The following CLYBL variants were observed in gnomAD, a reference collection of about 807,000 sequenced individuals.
CLYBL encodes the protein citramalyl-CoA lyase, also known as citramalyl-CoA lyase, mitochondrial.
CLYBL carries 31 observed loss-of-function variants against 38.9 expected under a neutral mutation model. The observed-to-expected ratio is 0.80, with a 90% confidence interval of 0.60 to 1.08. The LOEUF is 1.08. CLYBL is among the 50% of genes least tolerant of loss of function. The pLI is 0.00. For missense variants in CLYBL, 434 were observed against 411.6 expected (o/e 1.05, Z -0.47); for synonymous variants, 171 against 158.6 (o/e 1.08, Z -0.59).
intron 1 of CLYBL, 148 bp downstream of exon 1, chr13:99,606,905 T>C (rs1026821562): frequency 8.0e-6 from 10 of 1,256,268 alleles, no homozygotes; most frequent in Non-Finnish European, 1.0e-5. Context: ...ACGCGCTGGC[T>C]CGACCTCGTC....
At chr13:99,802,235 T>C (rs1224339569) in intron 2 of CLYBL, among the ~76,000 whole-genome samples, 1 of 152,164 alleles carries the variant, frequency 6.6e-6, no homozygotes, top group East Asian at 1.9e-4. Flanking sequence ...CTGCCTTCTT[T>C]CTGTATCCTC....
intron 2 of CLYBL, among the ~76,000 whole-genome samples, chr13:99,797,308 G>T (rs532967210): frequency 6.6e-6 from 1 of 152,190 alleles, no homozygotes; most frequent in Non-Finnish European, 1.5e-5. Context: ...GTATATTTAA[G>T]ATTTAAGATC....
At chr13:99,613,983 A>G (rs557808728) in intron 1 of CLYBL, among the ~76,000 whole-genome samples, 1 of 152,278 alleles carries the variant, frequency 6.6e-6, no homozygotes, top group South Asian at 2.1e-4. Context: ...TGGGTTTAGC[A>G]TGGAATGCCT....
At chr13:99,835,195 C>T (rs1198646984) in intron 2 of CLYBL, among the ~76,000 whole-genome samples, 1 of 152,332 alleles carries the variant, frequency 6.6e-6, no homozygotes, top group African/African-American at 2.4e-5. Flanking sequence ...TTTGTGTCAG[C>T]GTGCAGGCTA....
chr13:99,860,308 C>T (rs1190107657), intron 3 of CLYBL, among the ~76,000 whole-genome samples: 1 of 151,844 alleles, frequency 6.6e-6, no homozygotes, highest in East Asian at 1.9e-4. Flanking sequence ...TTCAGTTTAC[C>T]CTCAATGTAG....
intron 1 of CLYBL, among the ~76,000 whole-genome samples, chr13:99,655,410 T>C (rs1156635448): frequency 2.0e-5 from 3 of 152,190 alleles, no homozygotes; most frequent in Non-Finnish European, 4.4e-5. Flanking sequence ...AGATGATGTA[T>C]GCTCTTTCAC....
intron 1 of CLYBL, among the ~76,000 whole-genome samples, chr13:99,664,167 C>T (rs992856741): frequency 6.6e-6 from 1 of 152,244 alleles, no homozygotes; most frequent in African/African-American, 2.4e-5. Flanking sequence ...AGCTTGATGT[C>T]TCTTCGGCTC....
chr13:99,840,118 C>T (rs984032275), intron 2 of CLYBL, among the ~76,000 whole-genome samples: 2 of 151,846 alleles, frequency 1.3e-5, no homozygotes, highest in African/African-American at 4.8e-5. Context: ...ACCTCAATGT[C>T]TGTCTCATCT....
At chr13:99,619,828 C>T (rs568256785) in intron 1 of CLYBL, among the ~76,000 whole-genome samples, 1 of 152,182 alleles carries the variant, frequency 6.6e-6, no homozygotes, top group Non-Finnish European at 1.5e-5. Context: ...AGTAAGACGA[C>T]CTTGGGGAAT....
At chr13:99,741,613 A>G (rs1228294898) in intron 1 of CLYBL, among the ~76,000 whole-genome samples, 1 of 152,248 alleles carries the variant, frequency 6.6e-6, no homozygotes, top group African/African-American at 2.4e-5. Context: ...GTGCAGTGGC[A>G]TGATCTCAGC....
intron 1 of CLYBL, among the ~76,000 whole-genome samples, chr13:99,699,890 G>A (rs2048038005): frequency 1.3e-5 from 2 of 151,726 alleles, no homozygotes; most frequent in Admixed American, 1.3e-4. Context: ...GCTACTCGAG[G>A]CTGAGGCAGG....
At chr13:99,754,087 CAAAAAAA>C (rs71121003) in intron 1 of CLYBL, among the ~76,000 whole-genome samples, 63 of 45,412 alleles carry the variant, frequency 1.4e-3, no homozygotes, top group Admixed American at 3.1e-3. Context: ...AACTCGGTCT[CAAAAAAA>C]AAAAAAAAAA....
At chr13:99,609,169 GTTTTTTT>G (rs58873910) in intron 1 of CLYBL, among the ~76,000 whole-genome samples, 1 of 45,788 alleles carries the variant, frequency 2.2e-5, no homozygotes, top group East Asian at 9.1e-4. Context: ...ACCTGTCTTT[GTTTTTTT>G]TTTTTTTTTT....
intron 1 of CLYBL, among the ~76,000 whole-genome samples, chr13:99,720,405 G>A (rs2048376476): frequency 6.6e-6 from 1 of 151,844 alleles, no homozygotes; most frequent in African/African-American, 2.4e-5. Flanking sequence ...TTTTAAATGA[G>A]ACAACATTAT....
rs869061868 is a variant in CLYBL, at chr13:99,833,030, A to AT, written c.250-25803dup. ...TACATATATATATATATATATATAT[A>AT]TTTTTTTTTTTTTTTTTTTTTTTTT... On this transcript the variant is annotated intron_variant, in intron 2 of 8. Coordinates refer to ENST00000339105, the MANE Select transcript of CLYBL (RefSeq NM_206808.5). Among the ~76,000 whole-genome samples the AT allele has an allele frequency of 3.4e-3, 121 of 35,874 alleles. 14 individuals carry two copies. The highest frequency in any genetic ancestry group is 0.015 in the African/African-American group (105 of 7,140). The allele number at this position is 35,874 out of a possible 152,430, so 23.5% of individuals were successfully genotyped here. A position where few individuals can be genotyped will look rare whatever the true frequency, so the allele number is the denominator to read the frequency against.
intron 1 of CLYBL, among the ~76,000 whole-genome samples, chr13:99,732,864 A>G (rs1173614676): frequency 6.6e-6 from 1 of 152,192 alleles, no homozygotes; most frequent in Non-Finnish European, 1.5e-5. Flanking sequence ...AGTGTTTTTC[A>G]TTTGAATGAT....
intron 2 of CLYBL, among the ~76,000 whole-genome samples, chr13:99,803,929 C>A (rs1261972201): frequency 6.6e-6 from 1 of 152,104 alleles, no homozygotes; most frequent in Admixed American, 6.5e-5. Flanking sequence ...TCAAACCACA[C>A]CTGAAGGCTG....
intron 2 of CLYBL, among the ~76,000 whole-genome samples, chr13:99,840,750 C>CAAAAAAAAAAAAAAAAA (rs59274056): frequency 5.9e-5 from 1 of 16,814 alleles, no homozygotes; most frequent in Non-Finnish European, 1.0e-4. Context: ...ACCCTTGTCT[C>CAAAAAAAAAAAAAAAAA]AAAAAAAAAA....
At chr13:99,764,266 A>G (rs915177298) in intron 1 of CLYBL, among the ~76,000 whole-genome samples, 1 of 151,028 alleles carries the variant, frequency 6.6e-6, no homozygotes, top group Admixed American at 6.6e-5. Context: ...TGGTTTTGCC[A>G]TGTTGCCCAG....
Sources: allele counts gnomAD v4.1 joint callset (sites outside exome capture counted in the v4.1 genomes callset), GRCh38; gene constraint gnomAD v4.1.1; transcripts MANE v1.5; gene names NCBI Gene and HGNC (gene_info 2026-07-23, HGNC 2026-07-21).